Variants in MIPOL1 observed in about 807,000 individuals in gnomAD.
The protein encoded by MIPOL1 is mirror-image polydactyly gene 1 protein.
MIPOL1 carries 57 observed loss-of-function variants against 60.9 expected under a neutral mutation model. That is an observed-to-expected ratio of 0.94 (90% CI 0.76 to 1.17). MIPOL1 has a LOEUF of 1.17. MIPOL1 is among the 50% of genes most tolerant of loss of function. The pLI, the probability that MIPOL1 is intolerant of heterozygous loss-of-function variation, is 0.00. For missense variants in MIPOL1, 551 were observed against 511.6 expected, an observed-to-expected ratio of 1.08 and a Z score of -0.74; for synonymous variants, 179 against 168.8, an observed-to-expected ratio of 1.06 and a Z score of -0.47.
intron 6 of MIPOL1, among the ~76,000 whole-genome samples, chr14:37,279,615 TTTTG>T (rs1476381414): frequency 6.6e-6 from 1 of 152,042 alleles, no homozygotes; most frequent in Non-Finnish European, 1.5e-5. Context: ...TTGAGGGTTT[TTTTG>T]TTTTATTTTT....
At position 37,308,364 on chromosome 14, in the gene MIPOL1, C is replaced by A. The variant is rs756303632; in HGVS notation, c.673C>A (p.Leu225Met). The change falls in exon 9 of 13, where the codon CTG becomes ATG. Residue 225 changes from leucine to methionine, a missense_variant. Transcript: ENST00000684589. ...GTGTTGGTAGACATTACAGGAATTA[C>A]TGAACAGAATAAACAATGCAGACAC... ...EENDMTLQEL[L>M]NRINNADTGI... The A allele has an allele frequency of 6.4e-7, 1 of 1,559,664 alleles. No individual in the cohort carries two copies. The highest frequency in any genetic ancestry group is 1.3e-5 in the South Asian group (1 of 79,806).
At chr14:37,507,609 T>TG (rs1198376062) in intron 12 of MIPOL1, 1 of 152,100 alleles carries the variant, frequency 6.6e-6, no homozygotes, top group African/African-American at 2.4e-5. Context: ...TCTCAGGGAC[T>TG]GGGGGTCTGG....
At chr14:37,466,436 G>A (rs1278194963) in intron 11 of MIPOL1, among the ~76,000 whole-genome samples, 1 of 152,134 alleles carries the variant, frequency 6.6e-6, no homozygotes, top group African/African-American at 2.4e-5. Flanking sequence ...GCAAGATAAA[G>A]TTGCTTTTAA....
chr14:37,225,208 T>G (rs1217548023), intron 1 of MIPOL1, among the ~76,000 whole-genome samples: 8 of 152,168 alleles, frequency 5.3e-5, no homozygotes, highest in African/African-American at 1.9e-4. Context: ...CTGTCAGTAC[T>G]TACACCATTT....
intron 7 of MIPOL1, among the ~76,000 whole-genome samples, chr14:37,288,772 C>A (rs1161746988): frequency 6.6e-6 from 1 of 151,562 alleles, no homozygotes; most frequent in African/African-American, 2.4e-5. Context: ...TGCACTCCAG[C>A]ATGGGTGACA....
In MIPOL1 at chr14:37,461,384, G is replaced by A. The variant is rs1436257782; in HGVS notation, c.1031+38435G>A. Among the ~76,000 whole-genome samples the A allele has an allele frequency of 3.3e-5, 5 of 152,190 alleles. No individual in the cohort carries two copies. The South Asian group carries it at 6.2e-4, about 19-fold the overall frequency. ...ACATGAGACCCATTCACTATCATAA[G>A]AACAGCACAGGAAAGACCCTCCCCT... is the stretch of plus-strand genomic sequence containing the variant. On this transcript the variant is annotated intron_variant, in intron 11 of 12. Coordinates refer to ENST00000684589, the MANE Select transcript of MIPOL1 (RefSeq NM_001388067.1).
intron 10 of MIPOL1, among the ~76,000 whole-genome samples, chr14:37,388,167 A>C (rs538148136): frequency 6.6e-6 from 1 of 151,966 alleles, no homozygotes; most frequent in Non-Finnish European, 1.5e-5. Flanking sequence ...TAAAAAAAAA[A>C]ACTTGAGGTA....
intron 10 of MIPOL1, among the ~76,000 whole-genome samples, chr14:37,415,038 G>C (rs2093740380): frequency 6.6e-6 from 1 of 152,066 alleles, no homozygotes; most frequent in African/African-American, 2.4e-5. Flanking sequence ...AGTTATTGCA[G>C]TAGAGAGAAA....
chr14:37,271,713 T>C (rs2083314142), intron 6 of MIPOL1, among the ~76,000 whole-genome samples: 1 of 151,816 alleles, frequency 6.6e-6, no homozygotes, highest in African/African-American at 2.4e-5. Flanking sequence ...TTTCTTGGCT[T>C]TTTATAATCA....
intron 3 of MIPOL1, among the ~76,000 whole-genome samples, chr14:37,260,606 G>C (rs954049051): frequency 6.6e-6 from 1 of 152,118 alleles, no homozygotes; most frequent in African/African-American, 2.4e-5. Context: ...CATTTATGCT[G>C]TTTGTAGAAA....
chr14:37,496,788 T>C lies in MIPOL1; in HGVS notation c.1032-3120T>C, dbSNP rs1357120002. On this transcript the variant is annotated intron_variant, in intron 11 of 12. Coordinates refer to ENST00000684589, the MANE Select transcript of MIPOL1 (RefSeq NM_001388067.1). ...GCTACCAATGACTTTCTTCACAGAA[T>C]TGGAAAAAACTACTTTAAAGTTCGT... Among the ~76,000 whole-genome samples, 9 of 152,192 alleles carry C rather than the reference T, an allele frequency of 5.9e-5. No individual in the cohort carries two copies. In the East Asian group the frequency reaches 1.7e-3, roughly 29 times the overall value.
chr14:37,321,899 C>A (rs979414984), intron 9 of MIPOL1, among the ~76,000 whole-genome samples: 5 of 151,854 alleles, frequency 3.3e-5, no homozygotes, highest in Non-Finnish European at 5.9e-5. Flanking sequence ...CCATCCTTTT[C>A]CAAGTTCAGA....
chr14:37,211,864 T>G (rs1966851408), intron 1 of MIPOL1, among the ~76,000 whole-genome samples: 1 of 151,720 alleles, frequency 6.6e-6, no homozygotes, highest in Non-Finnish European at 1.5e-5. Flanking sequence ...TTATCTTGCA[T>G]CGAGGATATC....
intron 1 of MIPOL1, among the ~76,000 whole-genome samples, chr14:37,219,102 A>AG (rs1174309866): frequency 6.6e-6 from 1 of 152,064 alleles, no homozygotes; most frequent in Non-Finnish European, 1.5e-5. Flanking sequence ...AGGAGCAGGG[A>AG]GGGGGTCAGT....
intron 11 of MIPOL1, among the ~76,000 whole-genome samples, chr14:37,446,426 A>C (rs2094335964): frequency 6.6e-6 from 1 of 152,130 alleles, no homozygotes. Flanking sequence ...AGGAAACAAC[A>C]GGTGCTGGAG....
chr14:37,372,770 A>AAT (rs1566464528), intron 10 of MIPOL1, among the ~76,000 whole-genome samples: 1 of 151,288 alleles, frequency 6.6e-6, no homozygotes, highest in Non-Finnish European at 1.5e-5. Context: ...AAAAAAAAAA[A>AAT]ATTGCTAGGC....
At chr14:37,254,596 C>T (rs1294052060) in intron 3 of MIPOL1, among the ~76,000 whole-genome samples, 3 of 151,786 alleles carry the variant, frequency 2.0e-5, no homozygotes, top group Non-Finnish European at 4.4e-5. Flanking sequence ...CACAGTTGTA[C>T]ATTTGTTACA....
At chr14:37,461,246 G>A (rs2094535087) in intron 11 of MIPOL1, among the ~76,000 whole-genome samples, 1 of 152,186 alleles carries the variant, frequency 6.6e-6, no homozygotes, top group South Asian at 2.1e-4. Context: ...TGGCTGGGGA[G>A]GCCTCACAAT....
At chr14:37,339,695 T>C (rs1397604745) in intron 9 of MIPOL1, among the ~76,000 whole-genome samples, 1 of 152,210 alleles carries the variant, frequency 6.6e-6, no homozygotes, top group Non-Finnish European at 1.5e-5. Flanking sequence ...CAAACATAGA[T>C]GAATCTGTAA....
Sources: gnomAD v4.1 joint callset for allele counts (sites outside exome capture counted in the v4.1 genomes callset) on GRCh38, gnomAD v4.1.1 for gene constraint, MANE v1.5 for transcripts, NCBI Gene and HGNC (gene_info 2026-07-23, HGNC 2026-07-21) for gene names.